SPMIP7: variants seen among roughly 807,000 people sequenced by gnomAD.
The protein encoded by SPMIP7 is protein SPMIP7.
the SPMIP7 span, among the ~76,000 whole-genome samples, chr7:50,140,917 G>A: frequency 1.3e-5 from 2 of 152,176 alleles, no homozygotes; most frequent in African/African-American, 4.8e-5. Context: ...TTCACCAGGA[G>A]CCTTATAATC....
At chr7:50,097,967 A>T in the SPMIP7 span, among the ~76,000 whole-genome samples, 1 of 152,176 alleles carries the variant, frequency 6.6e-6, no homozygotes, top group Non-Finnish European at 1.5e-5. Flanking sequence ...TCAAAAAGTA[A>T]TACCTGCAAT....
At chr7:50,100,960 C>T in the SPMIP7 span, among the ~76,000 whole-genome samples, 1 of 151,728 alleles carries the variant, frequency 6.6e-6, no homozygotes, top group Non-Finnish European at 1.5e-5. Context: ...TGTTTATTTT[C>T]CAGTGTCCCT....
chr7:50,154,415 C>T, the SPMIP7 span, among the ~76,000 whole-genome samples: 1 of 152,224 alleles, frequency 6.6e-6, no homozygotes, highest in African/African-American at 2.4e-5. Flanking sequence ...CCGAATCCCT[C>T]ATAACCACTG....
At chr7:50,143,219 C>T in the SPMIP7 span, among the ~76,000 whole-genome samples, 17 of 143,816 alleles carry the variant, frequency 1.2e-4, no homozygotes, top group Non-Finnish European at 1.6e-4. Flanking sequence ...GGCTGAAGTG[C>T]AGTGGCGTGA....
chr7:50,096,181 T>C, the SPMIP7 span: 4 of 1,551,680 alleles, frequency 2.6e-6, no homozygotes, highest in Non-Finnish European at 3.5e-6. Flanking sequence ...ACCCACACTA[T>C]TGTGATCTCT....
At chr7:50,141,442 A>G in the SPMIP7 span, 1 of 1,086,604 alleles carries the variant, frequency 9.2e-7, no homozygotes, top group Non-Finnish European at 1.4e-6. Flanking sequence ...ATGAAACATG[A>G]TGATGGACTT....
the SPMIP7 span, among the ~76,000 whole-genome samples, chr7:50,140,603 G>T: frequency 6.6e-6 from 1 of 152,020 alleles, no homozygotes. Context: ...GCTTTCCATG[G>T]ATGGCAAAAA....
At chr7:50,134,122 T>A in the SPMIP7 span, 1 of 1,546,136 alleles carries the variant, frequency 6.5e-7, no homozygotes, top group Non-Finnish European at 8.7e-7. Flanking sequence ...TATGAAGATG[T>A]TCCTTGGGAT....
At chr7:50,096,104 G>T in the SPMIP7 span, 1 of 1,489,978 alleles carries the variant, frequency 6.7e-7, no homozygotes, top group Non-Finnish European at 8.9e-7. Context: ...AGAAATTCAG[G>T]ACACACCTGG....
chr7:50,136,527 C>T, the SPMIP7 span, among the ~76,000 whole-genome samples: 2 of 151,790 alleles, frequency 1.3e-5, no homozygotes, highest in Admixed American at 1.3e-4. Flanking sequence ...AGACTCATCT[C>T]AAATAAACAA....
At chr7:50,111,168 C>A in the SPMIP7 span, among the ~76,000 whole-genome samples, 3 of 149,684 alleles carry the variant, frequency 2.0e-5, no homozygotes, top group African/African-American at 7.4e-5. Context: ...TGGGGTAATA[C>A]CCGAGATTTG....
chr7:50,143,855 G>A, the SPMIP7 span, among the ~76,000 whole-genome samples: 1 of 152,144 alleles, frequency 6.6e-6, no homozygotes, highest in Admixed American at 6.5e-5. Flanking sequence ...ACACTACACA[G>A]AACATTTTTA....
chr7:50,117,095 G>GT, the SPMIP7 span, among the ~76,000 whole-genome samples: 6 of 152,202 alleles, frequency 3.9e-5, no homozygotes, highest in Non-Finnish European at 5.9e-5. Context: ...TAGAAACTCA[G>GT]TATCAGAGCC....
At chr7:50,105,027 T>C in the SPMIP7 span, among the ~76,000 whole-genome samples, 1 of 152,194 alleles carries the variant, frequency 6.6e-6, no homozygotes, top group Non-Finnish European at 1.5e-5. Flanking sequence ...TGACTTTTGA[T>C]AAGACAGATA....
chr7:50,096,690 G>A, the SPMIP7 span: 2 of 1,355,018 alleles, frequency 1.5e-6, no homozygotes, highest in South Asian at 3.4e-5. Flanking sequence ...AGGGAAGAGA[G>A]TATGGACATA....
At chr7:50,155,690 C>A in the SPMIP7 span, among the ~76,000 whole-genome samples, 1 of 152,074 alleles carries the variant, frequency 6.6e-6, no homozygotes, top group Non-Finnish European at 1.5e-5. Context: ...AAAACTGTCC[C>A]CTACTGTTAC....
At chr7:50,159,127 C>CA in the SPMIP7 span, 1 of 1,551,836 alleles carries the variant, frequency 6.4e-7, no homozygotes, top group Non-Finnish European at 8.7e-7. Context: ...TGAGACCCTA[C>CA]AACCCTTTCA....
chr7:50,112,260 GA>G, the SPMIP7 span, among the ~76,000 whole-genome samples: 1 of 152,036 alleles, frequency 6.6e-6, no homozygotes, highest in South Asian at 2.1e-4. Flanking sequence ...AAACAAAGAA[GA>G]AACAATATAC....
chr7:50,111,243 C>G, the SPMIP7 span, among the ~76,000 whole-genome samples: 2 of 151,700 alleles, frequency 1.3e-5, no homozygotes, highest in South Asian at 4.2e-4. Context: ...GTTTAACAGG[C>G]AAAAGAAAGA....
Sources: allele counts gnomAD v4.1 joint callset (sites outside exome capture counted in the v4.1 genomes callset), GRCh38; gene constraint gnomAD v4.1.1; transcripts MANE v1.5; gene names NCBI Gene and HGNC (gene_info 2026-07-23, HGNC 2026-07-21).